ACSM2A: variants seen among roughly 807,000 people sequenced by gnomAD.
ACSM2A encodes acyl-coenzyme A synthetase ACSM2A, mitochondrial.
A neutral mutation model predicts 76.6 loss-of-function variants in ACSM2A; 72 were observed. The ratio of observed to expected loss-of-function variants is 0.94; its 90% CI spans 0.78 to 1.14. The LOEUF is 1.14. ACSM2A is among the 50% of genes most tolerant of loss of function. The probability of loss-of-function intolerance (pLI) is 0.00; values close to 1 mark genes in which losing one functional copy is unlikely to be tolerated. For missense variants in ACSM2A, 684 were observed against 708.5 expected (o/e 0.97, Z 0.39); for synonymous variants, 249 against 255.9 (o/e 0.97, Z 0.26).
intron 12 of ACSM2A, chr16:20,481,222 GT>G (rs2014064198): frequency 1.0e-5 from 4 of 382,300 alleles, no homozygotes; most frequent in Non-Finnish European, 1.9e-5. Flanking sequence ...CCACTACTGG[GT>G]ATTTATCCAA....
chr16:20,476,338 T>C, intron 8 of ACSM2A: 1 of 979,748 alleles, frequency 1.0e-6, no homozygotes, highest in Non-Finnish European at 1.2e-6. Flanking sequence ...GGAATACTTT[T>C]CCCCAACTCT....
intron 6 of ACSM2A, among the ~76,000 whole-genome samples, chr16:20,474,470 A>C (rs1304767869): frequency 1.3e-5 from 2 of 152,286 alleles, no homozygotes; most frequent in African/African-American, 2.4e-5. Context: ...AACAGCAAGA[A>C]GGCTCTCACC....
intron 1 of ACSM2A, chr16:20,453,258 G>A (rs919724381): frequency 6.6e-6 from 1 of 151,912 alleles, no homozygotes; most frequent in African/African-American, 2.4e-5. Context: ...CAGGGACCCT[G>A]AATGGAGGGA....
rs1567377251 is a variant in ACSM2A at position 20,483,089 on chromosome 16, A to T, written c.1541A>T (p.Gln514Leu). 6.2e-7 allele frequency: 1 copy of T among 1,614,032 alleles called. No individual in the cohort carries two copies. The highest frequency in any genetic ancestry group is 2.2e-5 in the East Asian group (1 of 44,874). ...VVKAFVVLAS[Q>L]FLSHDPEQLT... Reference sequence around the variant, plus strand: ...AAGGCATTTGTGGTCCTGGCCTCGCAGTTCCTGTCCCATGACCCAGAACAG... The same window carrying T: ...AAGGCATTTGTGGTCCTGGCCTCGCTGTTCCTGTCCCATGACCCAGAACAG... The change falls in exon 13 of 14, where the codon CAG becomes CTG. Residue 514 changes from glutamine to leucine, a missense_variant. By Grantham distance (113) the Gln-to-Leu change is moderately radical. Transcript: ENST00000573854.
At position 20,473,409 on chromosome 16, in the gene ACSM2A, G is replaced by A. The variant is rs1194904509; in HGVS notation, c.894+1720G>A. On this transcript the variant is annotated intron_variant, in intron 6 of 13. Transcript: ENST00000573854. ...TAGGTTGGAGGTGTAGGGTGGAAAA[G>A]ACTAAGGAAATTAAGGAGAAATATA... is the stretch of plus-strand genomic sequence containing the variant. Among the ~76,000 whole-genome samples, 5 of 152,258 alleles carry A rather than the reference G, an allele frequency of 3.3e-5. No homozygotes were observed. The East Asian group carries it at 5.8e-4, about 18-fold the overall frequency.
At chr16:20,481,161 T>C (rs2014059933) in intron 12 of ACSM2A, 1 of 530,002 alleles carries the variant, frequency 1.9e-6, no homozygotes, top group Non-Finnish European at 3.3e-6. Flanking sequence ...AGTACTTAAG[T>C]ATGGTGATTT....
At chr16:20,463,212 C>A (rs2012743972) in intron 2 of ACSM2A, among the ~76,000 whole-genome samples, 1 of 150,876 alleles carries the variant, frequency 6.6e-6, no homozygotes, top group African/African-American at 2.4e-5. Flanking sequence ...GCACATGTAC[C>A]CTAAAACTTA....
At chr16:20,457,364 A>G (rs1237561398) in intron 1 of ACSM2A, among the ~76,000 whole-genome samples, 2 of 152,128 alleles carry the variant, frequency 1.3e-5, no homozygotes, top group African/African-American at 4.8e-5. Flanking sequence ...GTAACAAAGA[A>G]AGAAAACTAC....
At chr16:20,479,028 C>G (rs1170613180) in intron 10 of ACSM2A, among the ~76,000 whole-genome samples, 2 of 152,192 alleles carry the variant, frequency 1.3e-5, no homozygotes, top group Non-Finnish European at 2.9e-5. Flanking sequence ...TCCCCATGCT[C>G]TATGCCATTG....
chr16:20,470,091 G>A (rs1398579267), intron 4 of ACSM2A, among the ~76,000 whole-genome samples: 1 of 152,032 alleles, frequency 6.6e-6, no homozygotes, highest in East Asian at 1.9e-4. Context: ...CGTGAAGAGT[G>A]GCTCAGAGTT....
Position 20,458,388 on chromosome 16 carries a change from GA to G in ACSM2A, c.-8-1718del, listed in dbSNP as rs912893191. 8.4e-4 allele frequency among the ~76,000 whole-genome samples: 122 copies of G among 145,072 alleles called. 1 individual carries two copies. Among genetic ancestry groups the G allele is most frequent in the African/African-American group, 2.7e-3 (109 of 39,836 alleles). On this transcript the variant is annotated intron_variant, in intron 1 of 13. Transcript: ENST00000573854. ...GATATATATGTATTATATATTTATG[GA>G]TAACATATCTCCATATATACTATAT...
At position 20,486,622 on chromosome 16, in the gene ACSM2A, C is replaced by T. The variant is rs144468742; in HGVS notation, c.1678C>T (p.Arg560Ter). The T allele has an allele frequency of 6.3e-4, 1,009 of 1,614,130 alleles. 1 individual carries two copies. The highest frequency in any genetic ancestry group is 4.6e-4 in the Non-Finnish European group (540 of 1,180,004). ...CAAGACTGTCACAGGGAAAATTCAA[C>T]GAGCCAAGCTTCGAGACAAGGAGTG... ...LPKTVTGKIQRAKLRDKEWKM... is the reference protein window; with the variant it reads ...LPKTVTGKIQ Residue 560 changes from arginine to a stop codon, truncating the protein, a stop_gained, in exon 14 of 14, where the codon CGA (arginine) becomes TGA (stop). Transcript: ENST00000573854. LOFTEE classifies it high-confidence loss of function.
chr16:20,468,584 T>C (rs1454210676), intron 3 of ACSM2A, among the ~76,000 whole-genome samples: 1 of 152,206 alleles, frequency 6.6e-6, no homozygotes, highest in Non-Finnish European at 1.5e-5. Context: ...GGTCTTGAAC[T>C]CTTGACCTCT....
rs558710303 is a variant in ACSM2A at position 20,460,053 on chromosome 16, A to G, written c.-8-54A>G. 360 of 1,529,460 alleles carry G rather than the reference A, an allele frequency of 2.4e-4. 1 individual carries two copies. The highest frequency in any genetic ancestry group is 3.1e-4 in the Non-Finnish European group (348 of 1,139,046). 94.7% of individuals were successfully genotyped at this position (1,529,460 alleles called of 1,614,324 possible). A position where few individuals can be genotyped will look rare whatever the true frequency, so the allele number is the denominator to read the frequency against. On this transcript the variant is annotated intron_variant, in intron 1 of 13. Coordinates refer to ENST00000573854, the MANE Select transcript of ACSM2A (RefSeq NM_001308172.2). Reference sequence around the variant, plus strand: ...GAATCTCCTGAAGCTGCTGATGATCAGTAGAGCAATCTGTTAAAGAAGCTC... The same window carrying G: ...GAATCTCCTGAAGCTGCTGATGATCGGTAGAGCAATCTGTTAAAGAAGCTC...
At chr16:20,467,511 G>C (rs1268301223) in intron 3 of ACSM2A, among the ~76,000 whole-genome samples, 1 of 152,178 alleles carries the variant, frequency 6.6e-6, no homozygotes, top group Non-Finnish European at 1.5e-5. Flanking sequence ...GATGGCTTCA[G>C]TTTCGTTGAG....
chr16:20,460,563 C>T (rs1402730028), intron 2 of ACSM2A, among the ~76,000 whole-genome samples: 1 of 151,936 alleles, frequency 6.6e-6, no homozygotes, highest in Non-Finnish European at 1.5e-5. Flanking sequence ...TGCACATGCT[C>T]TGTTGTGACC....
chr16:20,472,579 C>T (rs1716809962), intron 6 of ACSM2A, among the ~76,000 whole-genome samples: 1 of 152,000 alleles, frequency 6.6e-6, no homozygotes, highest in Non-Finnish European at 1.5e-5. Context: ...TAAACACCAC[C>T]AGATAAAGAC....
At chr16:20,459,670 A>T (rs540695578) in intron 1 of ACSM2A, among the ~76,000 whole-genome samples, 3 of 152,320 alleles carry the variant, frequency 2.0e-5, no homozygotes, top group East Asian at 3.9e-4. Flanking sequence ...AGCATATCTC[A>T]TGAGCAAGCC....
intron 13 of ACSM2A, among the ~76,000 whole-genome samples, chr16:20,485,477 C>T (rs1388267519): frequency 3.3e-5 from 5 of 152,210 alleles, no homozygotes; most frequent in African/African-American, 9.7e-5. Flanking sequence ...CACTCTCTAT[C>T]TACCCTTCGG....
Sources: allele counts gnomAD v4.1 joint callset (sites outside exome capture counted in the v4.1 genomes callset), GRCh38; gene constraint gnomAD v4.1.1; transcripts MANE v1.5; gene names NCBI Gene and HGNC (gene_info 2026-07-23, HGNC 2026-07-21).